The following TSHZ1 variants were observed in gnomAD, a reference collection of about 807,000 sequenced individuals.
The protein encoded by TSHZ1 is teashirt zinc finger homeobox 1.
Under a neutral mutation model 67.1 loss-of-function variants are expected in TSHZ1, and 12 were observed. The ratio of observed to expected loss-of-function variants is 0.18; its 90% confidence interval spans 0.11 to 0.29. The LOEUF (loss-of-function observed/expected upper bound fraction) is 0.29. TSHZ1 is among the 10% of genes least tolerant of loss of function. TSHZ1 has a pLI of 1.00. For synonymous variants in TSHZ1, 632 were observed against 622.4 expected (o/e 1.02, Z -0.23); for missense variants, 1,305 against 1,413.9 (o/e 0.92, Z 1.23).
rs34040466 is a variant in TSHZ1, at chr18:75,226,571, C to CT, written c.40+14672dup. 4.1e-3 allele frequency among the ~76,000 whole-genome samples: 579 copies of CT among 141,276 alleles called. 2 individuals are homozygous for CT. Among genetic ancestry groups the CT allele is most frequent in the African/African-American group, 5.6e-3 (216 of 38,532 alleles). 92.7% of individuals were successfully genotyped at this position (141,276 alleles called of 152,430 possible). A position where few individuals can be genotyped will look rare whatever the true frequency, so the allele number is the denominator to read the frequency against. On this transcript the variant is annotated intron_variant, in intron 1 of 1. Transcript: ENST00000580243. ...AGCTGTCGTTCAATCTGTTTTTCAA[C>CT]TTTTTTTTTTTTTTTTTAAATCCTA...
intron 1 of TSHZ1, among the ~76,000 whole-genome samples, chr18:75,251,702 A>G (rs1463979893): frequency 1.3e-5 from 2 of 152,050 alleles, no homozygotes; most frequent in Non-Finnish European, 2.9e-5. Flanking sequence ...TTCTTGGATT[A>G]CACGTGAGGG....
intron 1 of TSHZ1, among the ~76,000 whole-genome samples, chr18:75,241,321 G>A (rs778432870): frequency 1.3e-5 from 2 of 152,140 alleles, no homozygotes; most frequent in African/African-American, 4.8e-5. Context: ...CCCTGTAAAA[G>A]CGATTGGTAG....
At chr18:75,274,819 A>G (rs1178446612) in intron 1 of TSHZ1, among the ~76,000 whole-genome samples, 3 of 152,202 alleles carry the variant, frequency 2.0e-5, no homozygotes, top group Admixed American at 6.5e-5. Context: ...AAGATAAAGA[A>G]TTTTATTTTC....
chr18:75,233,706 T>G (rs1398847297), intron 1 of TSHZ1, among the ~76,000 whole-genome samples: 1 of 152,128 alleles, frequency 6.6e-6, no homozygotes, highest in Non-Finnish European at 1.5e-5. Context: ...GATAATCCCT[T>G]TCCTAGTGGC....
rs781613550 is a variant in TSHZ1 at position 75,288,003 on chromosome 18, G to A, written c.2596G>A (p.Asp866Asn). 8 of 1,614,070 alleles carry A rather than the reference G, an allele frequency of 5.0e-6. No homozygotes were observed. The highest frequency in any genetic ancestry group is 2.2e-5 in the South Asian group (2 of 91,094). The change falls in exon 2 of 2, where the codon GAT (aspartate) becomes AAT (asparagine). Residue 866 changes from aspartate (D) to asparagine (N), a missense_variant. By Grantham distance (23) the Asp-to-Asn change is conservative. This residue lies in a region of TSHZ1 where 909 missense variants were observed against 961.8 expected (regional missense o/e 0.95). Transcript: ENST00000580243. This position sits in a 1 kb window ranked among gnomAD's most constrained non-coding sequence, Gnocchi z 4.9. The part of the protein sequence containing the change: ...STPSTVSEKS[D>N]ADGSSFEEAL... ...GCCCTCCACAGTTTCAGAGAAGTCC[G>A]ATGCTGATGGCAGCAGCTTTGAGGA...
intron 1 of TSHZ1, among the ~76,000 whole-genome samples, chr18:75,255,634 CGT>C (rs553301055): frequency 5.3e-4 from 80 of 152,200 alleles, no homozygotes; most frequent in African/African-American, 1.9e-3. Context: ...CTAAAATATA[CGT>C]ATGTAGATTG....
chr18:75,288,422 C>T lies in TSHZ1; in HGVS notation c.3015C>T (p.Leu1005=), dbSNP rs373376767. 6.2e-7 allele frequency: 1 copy of T among 1,614,216 alleles called. No individual in the cohort carries two copies. Residue 1005 remains leucine (L), a synonymous_variant, in exon 2 of 2, where the codon CTC becomes CTT. Transcript: ENST00000580243. The surrounding 1 kb of genome is among the most constrained non-coding windows in gnomAD (Gnocchi z 4.9). ...TGAAGGATCTCTCCAAGCTGCCACT[C>T]AATCAGATTCAAGAACAGCAGAATG... The part of the protein sequence containing the change: ...FSLKDLSKLP[L]NQIQEQQNVS...
intron 1 of TSHZ1, among the ~76,000 whole-genome samples, chr18:75,259,971 G>A (rs2023410089): frequency 6.6e-6 from 1 of 152,228 alleles, no homozygotes; most frequent in African/African-American, 2.4e-5. Context: ...CTTCTTGAGT[G>A]TGTGTGATGT....
At chr18:75,267,392 C>T (rs902900683) in intron 1 of TSHZ1, among the ~76,000 whole-genome samples, 3 of 152,212 alleles carry the variant, frequency 2.0e-5, no homozygotes, top group African/African-American at 7.2e-5. Context: ...GTAAGGGTTT[C>T]TTCAGAGGTT....
At chr18:75,213,708 A>G (rs566847876) in intron 1 of TSHZ1, among the ~76,000 whole-genome samples, 28 of 152,336 alleles carry the variant, frequency 1.8e-4, no homozygotes, top group Middle Eastern at 3.4e-3. Flanking sequence ...TCTTACATAA[A>G]AACAAGCCGT....
intron 1 of TSHZ1, among the ~76,000 whole-genome samples, chr18:75,253,340 G>C (rs1390821120): frequency 6.6e-6 from 1 of 152,176 alleles, no homozygotes; most frequent in Non-Finnish European, 1.5e-5. Flanking sequence ...TTCTCTTGTG[G>C]CTTTTCTATT....
At chr18:75,251,881 C>A (rs1411776349) in intron 1 of TSHZ1, among the ~76,000 whole-genome samples, 1 of 152,216 alleles carries the variant, frequency 6.6e-6, no homozygotes, top group Admixed American at 6.5e-5. Flanking sequence ...TCTATACTTG[C>A]AGTCCCCACC....
rs2023756917 is a variant in TSHZ1, at chr18:75,286,087, A to G, written c.680A>G (p.Gln227Arg). 6.2e-7 allele frequency: 1 copy of G among 1,612,210 alleles called. No individual in the cohort carries two copies. Among genetic ancestry groups the G allele is most frequent in the Non-Finnish European group, 8.5e-7 (1 of 1,178,600 alleles). The change falls in exon 2 of 2, where the codon CAG becomes CGG. Residue 227 changes from glutamine to arginine, a missense_variant. Gln to Arg is a conservative substitution (Grantham distance 43, BLOSUM62 1). Around this residue, in one of 3 missense-constraint regions of TSHZ1, gnomAD observed 358 missense variants for 375.6 expected, o/e 0.95. Transcript: ENST00000580243. The surrounding 1 kb of genome is among the most constrained non-coding windows in gnomAD (Gnocchi z 5.1). ...LPEPSLFSTV[Q>R]LYRQNNKLYG... The stretch of plus-strand genomic sequence containing the variant: ...GAGCCCAGCCTGTTCAGCACCGTGC[A>G]GCTCTACCGCCAGAACAACAAGCTC...
At position 75,287,822 on chromosome 18, in the gene TSHZ1, C is replaced by T. The variant is rs3744910; in HGVS notation, c.2415C>T (p.Asn805=). The change falls in exon 2 of 2, where the codon AAC becomes AAT. Residue 805 remains asparagine (N), a synonymous_variant. Coordinates refer to ENST00000580243, the MANE Select transcript of TSHZ1 (RefSeq NM_001308210.2). The surrounding 1 kb of genome is among the most constrained non-coding windows in gnomAD (Gnocchi z 5.0). The part of the protein sequence containing the change: ...ADAIDRYYYE[N]SDQPIDLTKS... ...CCATCGACCGCTACTATTATGAAAA[C>T]AGCGACCAGCCCATTGACTTAACCA... 2,802 of 1,614,150 alleles carry T rather than the reference C, an allele frequency of 1.7e-3. 59 individuals are homozygous for T. In the East Asian group the frequency reaches 0.043, roughly 25 times the overall value.
rs769136065 is a variant in TSHZ1, at chr18:75,288,664, C to T, written c.*23C>T. 1.9e-5 allele frequency: 29 copies of T among 1,552,208 alleles called. No individual in the cohort carries two copies. Among genetic ancestry groups the T allele is most frequent in the Admixed American group, 9.9e-5 (5 of 50,660 alleles). On this transcript the variant is annotated 3_prime_UTR_variant, in exon 2 of 2. Coordinates refer to ENST00000580243, the MANE Select transcript of TSHZ1 (RefSeq NM_001308210.2). This position sits in a 1 kb window ranked among gnomAD's most constrained non-coding sequence, Gnocchi z 4.9. ...TAGCGTCCAGGTATGCAAGAGACCG[C>T]GGAACATTGCACTAAACGTCGTCGA...
At chr18:75,232,990 T>C (rs948138822) in intron 1 of TSHZ1, among the ~76,000 whole-genome samples, 1 of 152,180 alleles carries the variant, frequency 6.6e-6, no homozygotes, top group Non-Finnish European at 1.5e-5. Flanking sequence ...TGGGGGTCTG[T>C]ATTGGTGCAC....
chr18:75,223,534 G>A (rs1026076489), intron 1 of TSHZ1, among the ~76,000 whole-genome samples: 4 of 151,962 alleles, frequency 2.6e-5, no homozygotes, highest in African/African-American at 9.7e-5. Flanking sequence ...CATTTCAACA[G>A]ACAGTTGCTT....
At chr18:75,252,478 T>G (rs2023317181) in intron 1 of TSHZ1, among the ~76,000 whole-genome samples, 1 of 152,220 alleles carries the variant, frequency 6.6e-6, no homozygotes. Context: ...TGGTCCTTTC[T>G]TGCATAGTTT....
intron 1 of TSHZ1, among the ~76,000 whole-genome samples, chr18:75,251,066 T>C (rs760594892): frequency 2.6e-5 from 4 of 152,226 alleles, no homozygotes; most frequent in Non-Finnish European, 5.9e-5. Flanking sequence ...TTACTTTGCT[T>C]TTGTCAGTGT....
Sources: allele counts gnomAD v4.1 joint callset (sites outside exome capture counted in the v4.1 genomes callset), GRCh38; gene constraint gnomAD v4.1.1; regional missense constraint gnomAD v4.1.1; non-coding constraint Gnocchi (gnomAD v3.1); transcripts MANE v1.5; gene names NCBI Gene and HGNC (gene_info 2026-07-23, HGNC 2026-07-21).